RIC8A: variants seen among roughly 807,000 people sequenced by gnomAD.
The protein encoded by RIC8A is chaperone Ric-8A.
A neutral mutation model predicts 48.4 loss-of-function variants in RIC8A; 37 were observed. The observed-to-expected ratio is 0.77, with a 90% confidence interval of 0.59 to 1.01. The LOEUF is 1.01. Ranked by LOEUF, RIC8A falls within the 50% of genes least tolerant of loss-of-function variation. The probability of loss-of-function intolerance (pLI) is 0.00; values close to 1 mark genes in which losing one functional copy is unlikely to be tolerated. For missense variants in RIC8A, 681 were observed against 696.8 expected (o/e 0.98, Z 0.25); for synonymous variants, 288 against 283.4 (o/e 1.02, Z -0.16).
Position 211,165 on chromosome 11 carries a change from C to A in RIC8A, c.819-34C>A. The A allele has an allele frequency of 1.3e-6, 2 of 1,596,014 alleles. No individual in the cohort carries two copies. Among genetic ancestry groups the A allele is most frequent in the South Asian group, 1.1e-5 (1 of 88,526 alleles). On this transcript the variant is annotated intron_variant, in intron 4 of 9. Transcript: ENST00000526104. This position sits in a 1 kb window ranked among gnomAD's most constrained non-coding sequence, Gnocchi z 4.0. Reference sequence around the variant, plus strand: ...GATTGCACCTGTGCTCAGGGATTAGCCCTGTTGAAACCCCTACCTCCATCT... The same window carrying A: ...GATTGCACCTGTGCTCAGGGATTAGACCTGTTGAAACCCCTACCTCCATCT...
At chr11:209,039 C>A in intron 1 of RIC8A, 101 bp downstream of exon 1, 3 of 1,157,910 alleles carry the variant, frequency 2.6e-6, no homozygotes, top group Non-Finnish European at 3.8e-6. Flanking sequence ...GCTGTGTCAG[C>A]AAGCGTAGGG....
At chr11:210,451 C>A in intron 3 of RIC8A, 120 bp from the exon 4 acceptor site, 1 of 952,668 alleles carries the variant, frequency 1.0e-6, no homozygotes. Context: ...ACCAGGTATG[C>A]AGTACAGGAG....
rs1855239691 is a variant in RIC8A at position 208,354 on chromosome 11, C to T, written c.-501C>T. ...CCTTTTGTTTTTCCTTGTCCCCCTT[C>T]CCCTCTGGAACATAAGCTCCACAAA... On this transcript the variant is annotated 5_prime_UTR_variant, in exon 1 of 10. Transcript: ENST00000526104. The surrounding 1 kb of genome is among the most constrained non-coding windows in gnomAD (Gnocchi z 4.8). The T allele has an allele frequency of 1.3e-5, 2 of 153,456 alleles. No individual in the cohort carries two copies. The highest frequency in any genetic ancestry group is 6.5e-5 in the Admixed American group (1 of 15,298). 9.5% of individuals were successfully genotyped at this position (153,456 alleles called of 1,614,324 possible). A position where few individuals can be genotyped will look rare whatever the true frequency, so the allele number is the denominator to read the frequency against.
chr11:214,183 G>A, intron 9 of RIC8A, 47 bp from the exon 10 acceptor site: 1 of 1,596,708 alleles, frequency 6.3e-7, no homozygotes, highest in South Asian at 1.1e-5. Context: ...ACCCCTGCCT[G>A]GCCAACTGGG....
At chr11:212,388 A>G (rs1855382536) in intron 5 of RIC8A, 28 bp from the exon 6 acceptor site, 1 of 1,600,604 alleles carries the variant, frequency 6.2e-7, no homozygotes, top group Non-Finnish European at 8.5e-7. Flanking sequence ...GCAGGGGCAT[A>G]GCCCCAGTGA....
chr11:212,543 G>C (rs372056858), intron 6 of RIC8A, 32 bp downstream of exon 6: 1 of 1,612,932 alleles, frequency 6.2e-7, no homozygotes, highest in Non-Finnish European at 8.5e-7. Context: ...GCTCCTGGGG[G>C]ATGTGGTTTC....
chr11:208,824 G>A lies in RIC8A; in HGVS notation c.-31G>A, dbSNP rs1263206235. 2 of 1,588,608 alleles carry A rather than the reference G, an allele frequency of 1.3e-6. No homozygotes were observed. The highest frequency in any genetic ancestry group is 8.6e-7 in the Non-Finnish European group (1 of 1,165,608). ...CGAACTGCGGCCCGGAACGGCTGAG[G>A]AAGGGCCCGTCCCGCCTTCCCCGGC... is the stretch of plus-strand genomic sequence containing the variant. On this transcript the variant is annotated 5_prime_UTR_variant, in exon 1 of 10. Coordinates refer to ENST00000526104, the MANE Select transcript of RIC8A (RefSeq NM_001286134.2). This position sits in a 1 kb window ranked among gnomAD's most constrained non-coding sequence, Gnocchi z 4.8.
intron 9 of RIC8A, chr11:213,686 T>C: frequency 2.9e-6 from 1 of 347,496 alleles, no homozygotes; most frequent in Non-Finnish European, 5.4e-6. Flanking sequence ...AGCTCACGCC[T>C]ATAATCCCAG....
chr11:208,862 C>T lies in RIC8A; in HGVS notation c.8C>T (p.Pro3Leu), dbSNP rs770203509. 6.2e-7 allele frequency: 1 copy of T among 1,609,722 alleles called. No homozygotes were observed. Among genetic ancestry groups the T allele is most frequent in the Non-Finnish European group, 8.5e-7 (1 of 1,178,642 alleles). ...CGCCTTCCCCGGCGCGCCATGGAGC[C>T]CCGGGCGGTTGCAGAAGCCGTGGAG... ME[P>L]RAVAEAVETG... The change falls in exon 1 of 10, where the codon CCC becomes CTC. Residue 3 changes from proline (P) to leucine (L), a missense_variant. Physicochemically the swap from Pro to Leu is moderately conservative, Grantham distance 98. Coordinates refer to ENST00000526104, the MANE Select transcript of RIC8A (RefSeq NM_001286134.2). The surrounding 1 kb of genome is among the most constrained non-coding windows in gnomAD (Gnocchi z 4.8).
In RIC8A at chr11:211,143, T is replaced by G. The variant is rs1285518243; in HGVS notation, c.819-56T>G. The G allele has an allele frequency of 3.2e-5, 49 of 1,553,672 alleles. No individual in the cohort carries two copies. Among genetic ancestry groups the G allele is most frequent in the Non-Finnish European group, 8.7e-7 (1 of 1,145,040 alleles). On this transcript the variant is annotated intron_variant, in intron 4 of 9. Transcript: ENST00000526104. The surrounding 1 kb of genome is among the most constrained non-coding windows in gnomAD (Gnocchi z 4.0). ...TGTGGTTCAGCGGAGTCACAAAGATTGCACCTGTGCTCAGGGATTAGCCCT... is the reference window on the plus strand; with the variant it reads ...TGTGGTTCAGCGGAGTCACAAAGATGGCACCTGTGCTCAGGGATTAGCCCT...
rs752070285 is a variant in RIC8A at position 212,681 on chromosome 11, G to A, written c.1132G>A (p.Val378Ile). 1.9e-6 allele frequency: 3 copies of A among 1,613,984 alleles called. No individual in the cohort carries two copies. The highest frequency in any genetic ancestry group is 2.2e-5 in the East Asian group (1 of 44,894). Residue 378 changes from valine (V) to isoleucine (I), a missense_variant, in exon 7 of 10, where the codon GTC becomes ATC. Val to Ile is a conservative substitution (Grantham distance 29). Coordinates refer to ENST00000526104, the MANE Select transcript of RIC8A (RefSeq NM_001286134.2). ...EVGEMLRNKLVRLMTHLDTDV... is the reference protein window; with the variant it reads ...EVGEMLRNKLIRLMTHLDTDV... Reference sequence around the variant, plus strand: ...TGGGGAGATGCTGCGGAACAAGCTTGTCCGCCTCATGACACACCTGGACAC... The same window carrying A: ...TGGGGAGATGCTGCGGAACAAGCTTATCCGCCTCATGACACACCTGGACAC...
At chr11:210,548 G>A in intron 3 of RIC8A, 23 bp from the exon 4 acceptor site, 1 of 1,610,558 alleles carries the variant, frequency 6.2e-7, no homozygotes, top group African/African-American at 1.3e-5. Context: ...GCTCCTCACA[G>A]GAACCCTTCT....
chr11:214,051 T>C (rs1855459393), intron 9 of RIC8A, among the ~76,000 whole-genome samples, 179 bp from the exon 10 acceptor site: 1 of 152,216 alleles, frequency 6.6e-6, no homozygotes, highest in South Asian at 2.1e-4. Flanking sequence ...AGGAAACTGC[T>C]TAAAGCCAGG....
In RIC8A at chr11:209,814, G is replaced by T; in HGVS notation, c.540G>T (p.Gln180His). 1 of 1,614,042 alleles carries T rather than the reference G, an allele frequency of 6.2e-7. No individual in the cohort carries two copies. Among genetic ancestry groups the T allele is most frequent in the Non-Finnish European group, 8.5e-7 (1 of 1,180,044 alleles). Residue 180 changes from glutamine to histidine, a missense_variant, in exon 3 of 10, where the codon CAG becomes CAT. Coordinates refer to ENST00000526104, the MANE Select transcript of RIC8A (RefSeq NM_001286134.2). ...LLTALRTDVRQQLFQELKGVR... is the reference protein window; with the variant it reads ...LLTALRTDVRHQLFQELKGVR... ...CGGCACTCCGCACCGATGTGCGCCAGCAGCTGTTTCAGGAGCTGAAAGGAG... is the reference window on the plus strand; with the variant it reads ...CGGCACTCCGCACCGATGTGCGCCATCAGCTGTTTCAGGAGCTGAAAGGAG...
intron 9 of RIC8A, 35 bp downstream of exon 9, chr11:213,453 G>C (rs1372112820): frequency 6.4e-7 from 1 of 1,554,416 alleles, no homozygotes; most frequent in Non-Finnish European, 8.7e-7. Context: ...CTGCAGCTGG[G>C]AGAAGGGAGA....
In RIC8A at chr11:213,387, A is replaced by C. The variant is rs1564800745; in HGVS notation, c.1444A>C (p.Lys482Gln). The C allele has an allele frequency of 1.1e-5, 17 of 1,603,820 alleles. No individual in the cohort carries two copies. Among genetic ancestry groups the C allele is most frequent in the Non-Finnish European group, 1.4e-5 (17 of 1,174,860 alleles). Residue 482 changes from lysine to glutamine, a missense_variant, in exon 9 of 10, where the codon AAG (lysine) becomes CAG (glutamine). Transcript: ENST00000526104. ...TEEQKEHEAM[K>Q]LVTMFDKLSR... is the part of the protein sequence containing the mutation. ...GGAGCAGAAGGAGCACGAGGCCATG[A>C]AGCTGGTGACCATGTTTGACAAGCT...
In RIC8A at chr11:211,116, T is replaced by C; in HGVS notation, c.819-83T>C. ...GGGACTCAGATGCCAGCTCATGTAA[T>C]GTGTGGTTCAGCGGAGTCACAAAGA... On this transcript the variant is annotated intron_variant, in intron 4 of 9. Coordinates refer to ENST00000526104, the MANE Select transcript of RIC8A (RefSeq NM_001286134.2). The surrounding 1 kb of genome is among the most constrained non-coding windows in gnomAD (Gnocchi z 4.0). The C allele has an allele frequency of 1.4e-6, 2 of 1,437,734 alleles. No homozygotes were observed. Among genetic ancestry groups the C allele is most frequent in the Non-Finnish European group, 1.9e-6 (2 of 1,050,258 alleles). 89.1% of individuals were successfully genotyped at this position (1,437,734 alleles called of 1,614,324 possible). A position where few individuals can be genotyped will look rare whatever the true frequency, so the allele number is the denominator to read the frequency against.
In RIC8A at chr11:212,765, T is replaced by G; in HGVS notation, c.1210+6T>G. ...TGTCCTGTGCTCTGAGAGTGGTGAG[T>G]TATGGAGACCCAGGTCCCAGCCCAC... On this transcript the variant is annotated splice_donor_region_variant and intron_variant, in intron 7 of 9. Transcript: ENST00000526104. The G allele has an allele frequency of 6.2e-7, 1 of 1,613,772 alleles. No homozygotes were observed.
chr11:208,351 C>T lies in RIC8A; in HGVS notation c.-504C>T, dbSNP rs1196662527. ...TGTCCTTTTGTTTTTCCTTGTCCCC[C>T]TTCCCCTCTGGAACATAAGCTCCAC... On this transcript the variant is annotated 5_prime_UTR_variant, in exon 1 of 10. Coordinates refer to ENST00000526104, the MANE Select transcript of RIC8A (RefSeq NM_001286134.2). The surrounding 1 kb of genome is among the most constrained non-coding windows in gnomAD (Gnocchi z 4.8). 6.5e-6 allele frequency: 1 copy of T among 153,370 alleles called. No individual in the cohort carries two copies. The highest frequency in any genetic ancestry group is 2.4e-5 in the African/African-American group (1 of 41,480). The allele number at this position is 153,370 out of a possible 1,614,324, so 9.5% of individuals were successfully genotyped here. A position where few individuals can be genotyped will look rare whatever the true frequency, so the allele number is the denominator to read the frequency against.
Sources: gnomAD v4.1 joint callset for allele counts (sites outside exome capture counted in the v4.1 genomes callset) on GRCh38, gnomAD v4.1.1 for gene constraint, Gnocchi (gnomAD v3.1) non-coding constraint, MANE v1.5 for transcripts, NCBI Gene and HGNC (gene_info 2026-07-23, HGNC 2026-07-21) for gene names.